TTC28: variants seen among roughly 807,000 people sequenced by gnomAD.
The protein encoded by TTC28 is tetratricopeptide repeat protein 28.
A neutral mutation model predicts 198.0 loss-of-function variants in TTC28; 61 were observed. The observed-to-expected ratio is 0.31, with a 90% confidence interval of 0.25 to 0.38. TTC28 has a LOEUF of 0.38. Ranked by LOEUF, TTC28 falls within the 10% of genes least tolerant of loss-of-function variation. The pLI, the probability that TTC28 is intolerant of heterozygous loss-of-function variation, is 1.00. For missense variants in TTC28, 2,678 were observed against 3,164.0 expected, an observed-to-expected ratio of 0.85 and a Z score of 3.69; for synonymous variants, 1,171 against 1,297.8, an observed-to-expected ratio of 0.90 and a Z score of 2.10.
chr22:27,985,312 T>C lies in TTC28; in HGVS notation c.5752A>G (p.Thr1918Ala). 2.6e-6 allele frequency: 4 copies of C among 1,551,378 alleles called. No homozygotes were observed. The highest frequency in any genetic ancestry group is 3.5e-6 in the Non-Finnish European group (4 of 1,146,860). Residue 1918 changes from threonine to alanine, a missense_variant, in exon 22 of 23, where the codon ACC (threonine) becomes GCC (alanine). Around this residue, in one of 8 missense-constraint regions of TTC28, gnomAD observed 314 missense variants for 442.7 expected, o/e 0.71. Transcript: ENST00000397906. ...EVGQEEVILK[T>A]GKQANRRTVH... ...GTCCGTCGATTAGCTTGCTTCCCGGTTTTCAGGATTACTTCCTCCTGACCA... is the reference window on the plus strand; with the variant it reads ...GTCCGTCGATTAGCTTGCTTCCCGGCTTTCAGGATTACTTCCTCCTGACCA...
At chr22:28,144,809 G>A (rs1174988024) in intron 6 of TTC28, among the ~76,000 whole-genome samples, 1 of 152,232 alleles carries the variant, frequency 6.6e-6, no homozygotes, top group Non-Finnish European at 1.5e-5. Flanking sequence ...CAAGCAAGCT[G>A]ACTGCTGCAG....
chr22:28,489,087 C>A (rs2048344382), intron 2 of TTC28, among the ~76,000 whole-genome samples: 1 of 152,034 alleles, frequency 6.6e-6, no homozygotes, highest in Admixed American at 6.6e-5. Flanking sequence ...AGCTTGAGAC[C>A]AGCCTGGGCA....
chr22:28,585,715 GT>G (rs1376817729), intron 2 of TTC28, among the ~76,000 whole-genome samples: 7 of 152,158 alleles, frequency 4.6e-5, no homozygotes, highest in African/African-American at 1.7e-4. Context: ...CAAGGACACC[GT>G]GGTGGAGCTG....
At chr22:28,325,869 G>A (rs1168228231) in intron 2 of TTC28, among the ~76,000 whole-genome samples, 1 of 152,094 alleles carries the variant, frequency 6.6e-6, no homozygotes, top group African/African-American at 2.4e-5. Flanking sequence ...AGGACAGAGA[G>A]AACCTGAAAC....
chr22:28,008,991 A>G (rs188437574), intron 14 of TTC28, among the ~76,000 whole-genome samples: 31 of 152,336 alleles, frequency 2.0e-4, no homozygotes, highest in South Asian at 8.3e-4. Context: ...AATACCACAG[A>G]CACAAACAGG....
intron 2 of TTC28, among the ~76,000 whole-genome samples, chr22:28,323,374 A>G (rs2045476590): frequency 1.3e-5 from 2 of 152,248 alleles, no homozygotes; most frequent in South Asian, 4.1e-4. Flanking sequence ...GGAATTCAAG[A>G]TAACACAAAA....
chr22:28,425,825 G>A (rs925555625), intron 2 of TTC28, among the ~76,000 whole-genome samples: 1 of 152,096 alleles, frequency 6.6e-6, no homozygotes, highest in Non-Finnish European at 1.5e-5. Context: ...CCCTACAATA[G>A]GGCCCAACAA....
chr22:28,676,910 C>T (rs2051998419), intron 1 of TTC28, among the ~76,000 whole-genome samples: 1 of 151,702 alleles, frequency 6.6e-6, no homozygotes, highest in Non-Finnish European at 1.5e-5. Flanking sequence ...AATCCCAGCA[C>T]TTGGGAGCCC....
intron 12 of TTC28, among the ~76,000 whole-genome samples, chr22:28,076,137 G>A (rs1214174975): frequency 6.6e-6 from 1 of 152,058 alleles, no homozygotes; most frequent in Non-Finnish European, 1.5e-5. Context: ...AAGGATTGGG[G>A]GTAAGAAAAA....
intron 2 of TTC28, among the ~76,000 whole-genome samples, chr22:28,534,339 A>T (rs1364824424): frequency 6.6e-6 from 1 of 152,240 alleles, no homozygotes; most frequent in Non-Finnish European, 1.5e-5. Context: ...CCATCAGAGA[A>T]ATGCAAATAA....
chr22:28,098,868 G>T (rs977411265), intron 10 of TTC28, 47 bp downstream of exon 10: 7 of 1,542,938 alleles, frequency 4.5e-6, no homozygotes, highest in Non-Finnish European at 6.1e-6. Context: ...GCGCACCCGT[G>T]CGCACTAGTG....
intron 8 of TTC28, 42 bp downstream of exon 8, chr22:28,105,237 T>C (rs1942259629): frequency 6.5e-7 from 1 of 1,527,436 alleles, no homozygotes; most frequent in Non-Finnish European, 8.8e-7. Flanking sequence ...CTGAACTTGA[T>C]TTCAAGTAGG....
chr22:28,144,474 G>T (rs966355550), intron 6 of TTC28, among the ~76,000 whole-genome samples: 2 of 152,204 alleles, frequency 1.3e-5, no homozygotes, highest in Non-Finnish European at 2.9e-5. Flanking sequence ...ACAACTGGCA[G>T]TTTTCTTTCT....
intron 12 of TTC28, among the ~76,000 whole-genome samples, chr22:28,093,140 T>A (rs1392903291): frequency 6.6e-6 from 1 of 152,184 alleles, no homozygotes; most frequent in Non-Finnish European, 1.5e-5. Context: ...AATATTGACA[T>A]TAAATTATTC....
chr22:28,651,832 TTTTGTTTG>T (rs144955021), intron 1 of TTC28, among the ~76,000 whole-genome samples: 1 of 152,024 alleles, frequency 6.6e-6, no homozygotes, highest in Non-Finnish European at 1.5e-5. Context: ...TGAATGCAGT[TTTTGTTTG>T]TTTGTTTGTT....
At chr22:28,607,442 T>C (rs977655505) in intron 2 of TTC28, among the ~76,000 whole-genome samples, 1 of 152,176 alleles carries the variant, frequency 6.6e-6, no homozygotes, top group African/African-American at 2.4e-5. Flanking sequence ...AAATTCCCTC[T>C]CCTGATTATC....
intron 5 of TTC28, among the ~76,000 whole-genome samples, chr22:28,173,650 C>T (rs994634783): frequency 2.0e-5 from 3 of 152,186 alleles, no homozygotes; most frequent in African/African-American, 7.2e-5. Context: ...AGAAGAATTG[C>T]ATCTGACAAG....
chr22:28,106,990 G>C, intron 7 of TTC28, 72 bp downstream of exon 7: 1 of 1,475,450 alleles, frequency 6.8e-7, no homozygotes, highest in Non-Finnish European at 9.0e-7. Context: ...ATGCAGACAC[G>C]AAGTTGCCTT....
chr22:28,009,494 G>A (rs562735708), intron 14 of TTC28, among the ~76,000 whole-genome samples: 5 of 152,330 alleles, frequency 3.3e-5, no homozygotes, highest in East Asian at 3.9e-4. Context: ...GCCGGCTAGC[G>A]GTGTTATATC....
Sources: allele counts gnomAD v4.1 joint callset (sites outside exome capture counted in the v4.1 genomes callset), GRCh38; gene constraint gnomAD v4.1.1; regional missense constraint gnomAD v4.1.1; transcripts MANE v1.5; gene names NCBI Gene and HGNC (gene_info 2026-07-23, HGNC 2026-07-21).